The following FTO variants were observed in gnomAD, a reference collection of about 807,000 sequenced individuals.
The protein encoded by FTO is FTO alpha-ketoglutarate dependent dioxygenase, also known as alpha-ketoglutarate-dependent dioxygenase FTO.
In FTO, 47 loss-of-function variants were observed where a neutral mutation model predicts 63.9. The ratio of observed to expected loss-of-function variants is 0.74; its 90% confidence interval spans 0.58 to 0.94. The LOEUF (loss-of-function observed/expected upper bound fraction) is 0.94, where lower values mean the gene tolerates loss of function less well. FTO is among the 40% of genes least tolerant of loss of function. The pLI, the probability that FTO is intolerant of heterozygous loss-of-function variation, is 0.00. For missense variants in FTO, 562 were observed against 618.1 expected, an observed-to-expected ratio of 0.91 and a Z score of 0.96; for synonymous variants, 207 against 224.4, an observed-to-expected ratio of 0.92 and a Z score of 0.69.
intron 1 of FTO, among the ~76,000 whole-genome samples, chr16:53,734,844 AAG>A (rs914719830): frequency 4.6e-5 from 7 of 152,150 alleles, no homozygotes; most frequent in African/African-American, 1.7e-4. Context: ...GGGAAGATAA[AAG>A]AGAGTTTTTA....
chr16:53,782,721 A>G (rs944444206), intron 1 of FTO, among the ~76,000 whole-genome samples: 3 of 152,202 alleles, frequency 2.0e-5, no homozygotes, highest in African/African-American at 7.2e-5. Context: ...GAAGCCAGTA[A>G]CTTCCACTCA....
At chr16:54,082,820 C>T (rs749409689) in intron 8 of FTO, among the ~76,000 whole-genome samples, 5 of 152,160 alleles carry the variant, frequency 3.3e-5, no homozygotes, top group Non-Finnish European at 7.4e-5. Context: ...TCAGAAGAAA[C>T]CCTTTAAAAA....
At position 53,983,417 on chromosome 16, in the gene FTO, A is replaced by G. The variant is rs1427168742; in HGVS notation, c.1364+49308A>G. 2.0e-5 allele frequency among the ~76,000 whole-genome samples: 3 copies of G among 152,144 alleles called. No homozygotes were observed. In the South Asian group the frequency reaches 6.2e-4, roughly 32 times the overall value. On this transcript the variant is annotated intron_variant, in intron 8 of 8. Transcript: ENST00000471389. Reference sequence around the variant, plus strand: ...TTTTGACGGAACTGGGGCCCAGGATATCTTCAGGCAAGCATAAAGATGTGT... The same window carrying G: ...TTTTGACGGAACTGGGGCCCAGGATGTCTTCAGGCAAGCATAAAGATGTGT...
intron 1 of FTO, among the ~76,000 whole-genome samples, chr16:53,734,017 A>G (rs573121938): frequency 6.6e-6 from 1 of 152,246 alleles, no homozygotes; most frequent in African/African-American, 2.4e-5. Context: ...GTAGAAATTC[A>G]ACTCTCATTT....
intron 7 of FTO, among the ~76,000 whole-genome samples, chr16:53,907,781 C>G (rs551941865): frequency 6.6e-6 from 1 of 152,308 alleles, no homozygotes; most frequent in African/African-American, 2.4e-5. Context: ...AATGTCTTCT[C>G]TCACCAAGAG....
intron 2 of FTO, among the ~76,000 whole-genome samples, chr16:53,816,687 G>T (rs953911050): frequency 6.6e-6 from 1 of 151,930 alleles, no homozygotes; most frequent in Non-Finnish European, 1.5e-5. Context: ...TGTATCTAGA[G>T]GCCTTCCCTT....
At chr16:53,771,602 G>C (rs1285518596) in intron 1 of FTO, among the ~76,000 whole-genome samples, 3 of 151,888 alleles carry the variant, frequency 2.0e-5, no homozygotes, top group Non-Finnish European at 4.4e-5. Context: ...CATATAACCC[G>C]GCAATTCCAC....
intron 2 of FTO, among the ~76,000 whole-genome samples, chr16:53,825,081 T>C (rs1567331158): frequency 6.6e-6 from 1 of 152,226 alleles, no homozygotes; most frequent in Non-Finnish European, 1.5e-5. Context: ...CATTCATCCA[T>C]GCACAAATCC....
rs149085807 is a variant in FTO, at chr16:53,751,570, C to T, written c.45+47341C>T. 1.3e-4 allele frequency among the ~76,000 whole-genome samples: 20 copies of T among 152,190 alleles called. 1 individual carries two copies. The East Asian group carries it at 3.9e-3, about 29-fold the overall frequency. Reference sequence around the variant, plus strand: ...TATGGAAGACTAATATTATATGGTTCCATTTATATAAAATGTCTATAACAG... The same window carrying T: ...TATGGAAGACTAATATTATATGGTTTCATTTATATAAAATGTCTATAACAG... On this transcript the variant is annotated intron_variant, in intron 1 of 8. Coordinates refer to ENST00000471389, the MANE Select transcript of FTO (RefSeq NM_001080432.3).
intron 1 of FTO, among the ~76,000 whole-genome samples, chr16:53,781,698 C>T (rs1013892617): frequency 6.6e-6 from 1 of 152,166 alleles, no homozygotes; most frequent in Non-Finnish European, 1.5e-5. Context: ...CTCCTTCAGC[C>T]TCTAAAAAGT....
At chr16:54,053,598 T>A (rs1395135204) in intron 8 of FTO, among the ~76,000 whole-genome samples, 1 of 151,920 alleles carries the variant, frequency 6.6e-6, no homozygotes, top group African/African-American at 2.4e-5. Context: ...ATGGTAAAGG[T>A]CCCCCCATTC....
intron 8 of FTO, among the ~76,000 whole-genome samples, chr16:53,940,410 A>C (rs568383088): frequency 6.6e-6 from 1 of 152,204 alleles, no homozygotes; most frequent in Non-Finnish European, 1.5e-5. Context: ...CTGTCATTAA[A>C]TTGCAGCAGT....
chr16:54,083,455 G>C (rs1414726837), intron 8 of FTO, among the ~76,000 whole-genome samples: 1 of 152,168 alleles, frequency 6.6e-6, no homozygotes, highest in Non-Finnish European at 1.5e-5. Flanking sequence ...TAAAAAGCAT[G>C]CTCTTTATCT....
At chr16:54,060,515 G>A (rs1487087338) in intron 8 of FTO, among the ~76,000 whole-genome samples, 1 of 152,202 alleles carries the variant, frequency 6.6e-6, no homozygotes, top group East Asian at 1.9e-4. Flanking sequence ...TTAGAAAGGT[G>A]AAGGGTCTAA....
chr16:53,752,936 A>T (rs1219526034), intron 1 of FTO, among the ~76,000 whole-genome samples: 9 of 147,592 alleles, frequency 6.1e-5, no homozygotes, highest in Admixed American at 1.3e-4. Context: ...TTTTTTTTTT[A>T]AAGAATCCTT....
intron 4 of FTO, among the ~76,000 whole-genome samples, chr16:53,850,412 G>A (rs1291368829): frequency 2.6e-5 from 4 of 151,348 alleles, no homozygotes; most frequent in Non-Finnish European, 5.9e-5. Flanking sequence ...CCCAAATACT[G>A]ACATTTTCAA....
intron 1 of FTO, among the ~76,000 whole-genome samples, chr16:53,794,913 A>G (rs950951793): frequency 1.6e-4 from 25 of 152,308 alleles, no homozygotes; most frequent in Non-Finnish European, 2.6e-4. Context: ...CTGGAAGAAA[A>G]TAAATACCAA....
intron 1 of FTO, among the ~76,000 whole-genome samples, chr16:53,806,557 G>A (rs946013481): frequency 6.6e-6 from 1 of 152,072 alleles, no homozygotes. Flanking sequence ...CCTTGTTTTT[G>A]TTTACTGTTG....
chr16:53,985,075 G>C, intron 8 of FTO: 1 of 436,888 alleles, frequency 2.3e-6, no homozygotes, highest in East Asian at 7.1e-5. Flanking sequence ...AAGGTTACCT[G>C]TTTGTTCCAG....
Sources: gnomAD v4.1 joint callset for allele counts (sites outside exome capture counted in the v4.1 genomes callset) on GRCh38, gnomAD v4.1.1 for gene constraint, MANE v1.5 for transcripts, NCBI Gene and HGNC (gene_info 2026-07-23, HGNC 2026-07-21) for gene names.